Variants in NLK observed in about 807,000 individuals in gnomAD.
NLK encodes serine/threonine-protein kinase NLK.
A neutral mutation model predicts 59.0 loss-of-function variants in NLK; 11 were observed. The observed-to-expected ratio is 0.19, with a 90% CI of 0.12 to 0.31. The LOEUF is 0.31. Among genes scored for constraint, NLK ranks in the 10% least tolerant of loss-of-function variants. NLK has a pLI of 1.00. For synonymous variants in NLK, 235 were observed against 235.9 expected (o/e 1.00, Z 0.03); for missense variants, 410 against 661.1 (o/e 0.62, Z 4.16).
chr17:28,149,369 A>G (rs1907390443), intron 3 of NLK, among the ~76,000 whole-genome samples: 1 of 152,184 alleles, frequency 6.6e-6, no homozygotes, highest in East Asian at 1.9e-4. Context: ...TGGCTTAAAG[A>G]AATTTGTTAA....
intron 3 of NLK, among the ~76,000 whole-genome samples, chr17:28,147,795 G>T (rs1296442567): frequency 1.3e-5 from 2 of 152,050 alleles, no homozygotes; most frequent in Non-Finnish European, 2.9e-5. Context: ...AGCAAATTTT[G>T]TGGGAATCTA....
rs911610122 is a variant in NLK, at chr17:28,172,583, G to A, written c.1114G>A (p.Ala372Thr). ...LEAMRTACEG[A>T]KAHILRGPHK... is the part of the protein sequence containing the mutation. ...AGCAATGAGGACAGCTTGTGAAGGC[G>A]CTAAGGCACATATACTCAGGGGTCC... The change falls in exon 7 of 11, where the codon GCT (alanine) becomes ACT (threonine). Residue 372 changes from alanine to threonine, a missense_variant. Ala to Thr is a moderately conservative substitution (Grantham distance 58). Around this residue, in one of 5 missense-constraint regions of NLK, gnomAD observed 150 missense variants for 244.3 expected, o/e 0.61. Transcript: ENST00000407008. 3 of 1,592,478 alleles carry A rather than the reference G, an allele frequency of 1.9e-6. No individual in the cohort carries two copies. The highest frequency in any genetic ancestry group is 2.3e-5 in the East Asian group (1 of 43,154).
chr17:28,114,224 A>G (rs1203524781), intron 1 of NLK, among the ~76,000 whole-genome samples: 1 of 152,194 alleles, frequency 6.6e-6, no homozygotes, highest in Non-Finnish European at 1.5e-5. Flanking sequence ...CATGTGTCTT[A>G]ATGTATAGAT....
At chr17:28,150,663 A>G (rs1907442208) in intron 3 of NLK, among the ~76,000 whole-genome samples, 1 of 152,152 alleles carries the variant, frequency 6.6e-6, no homozygotes, top group Non-Finnish European at 1.5e-5. Flanking sequence ...CCCCCACTAA[A>G]ACACTTGCAT....
intron 4 of NLK, among the ~76,000 whole-genome samples, chr17:28,162,279 TGCTGGGATTACA>T (rs1265914662): frequency 1.3e-5 from 2 of 152,080 alleles, no homozygotes; most frequent in African/African-American, 4.8e-5. Flanking sequence ...CCTCCCAAAG[TGCTGGGATTACA>T]GGCGTGAGCC....
At chr17:28,163,337 G>C (rs1386765535) in intron 4 of NLK, among the ~76,000 whole-genome samples, 1 of 152,138 alleles carries the variant, frequency 6.6e-6, no homozygotes, top group Non-Finnish European at 1.5e-5. Context: ...ATTATCTCTA[G>C]ACTTTGCAAA....
chr17:28,199,615 G>A (rs764410703), downstream of NLK, among the ~76,000 whole-genome samples: 14 of 143,968 alleles, frequency 9.7e-5, no homozygotes, highest in East Asian at 2.1e-4. Flanking sequence ...GCAGTGATCC[G>A]AGGTGGTGCC....
intron 1 of NLK, among the ~76,000 whole-genome samples, chr17:28,081,366 A>AT (rs1255252633): frequency 6.6e-6 from 1 of 151,926 alleles, no homozygotes; most frequent in African/African-American, 2.4e-5. Context: ...AAAAAAAAAA[A>AT]TTTAATTTTT....
At chr17:28,102,725 G>A (rs915386401) in intron 1 of NLK, among the ~76,000 whole-genome samples, 13 of 152,106 alleles carry the variant, frequency 8.5e-5, no homozygotes, top group Admixed American at 7.9e-4. Context: ...AGTTCTGAGG[G>A]ATGTGATGAG....
chr17:28,168,690 T>A (rs1364491069), intron 6 of NLK, 33 bp downstream of exon 6: 14 of 1,491,844 alleles, frequency 9.4e-6, no homozygotes, highest in Non-Finnish European at 1.3e-5. Flanking sequence ...TAGTTGCAAT[T>A]CTATTGCAGA....
At chr17:28,107,327 C>T (rs1376807602) in intron 1 of NLK, among the ~76,000 whole-genome samples, 2 of 151,774 alleles carry the variant, frequency 1.3e-5, no homozygotes, top group East Asian at 1.9e-4. Flanking sequence ...CCCAGCTACT[C>T]GGGAGGCTGA....
chr17:28,111,879 T>TGTGTGTGTGTGTGTG, intron 1 of NLK, among the ~76,000 whole-genome samples: 1 of 126,240 alleles, frequency 7.9e-6, no homozygotes, highest in African/African-American at 3.0e-5. Flanking sequence ...TGTGTGTGTG[T>TGTGTGTGTGTGTGTG]GTGTGTGTGT....
At chr17:28,083,240 A>G (rs1910406165) in intron 1 of NLK, among the ~76,000 whole-genome samples, 1 of 152,220 alleles carries the variant, frequency 6.6e-6, no homozygotes, top group Non-Finnish European at 1.5e-5. Context: ...TATCTGTGAC[A>G]GTGCCTAACA....
intron 1 of NLK, among the ~76,000 whole-genome samples, chr17:28,091,133 A>G (rs1904477149): frequency 6.6e-6 from 1 of 152,204 alleles, no homozygotes; most frequent in Admixed American, 6.5e-5. Flanking sequence ...GATAAATTGT[A>G]AAAACAAGGC....
At chr17:28,155,174 ATAAGCAAGGGATTCCCTTGC>A (rs1286858698) in intron 3 of NLK, among the ~76,000 whole-genome samples, 2 of 152,254 alleles carry the variant, frequency 1.3e-5, no homozygotes, top group African/African-American at 4.8e-5. Context: ...ATTGAATGGG[ATAAGCAAGGGATTCCCTTGC>A]TTGTTTTGTT....
chr17:28,080,532 A>T (rs1382107279), intron 1 of NLK, among the ~76,000 whole-genome samples: 1 of 152,210 alleles, frequency 6.6e-6, no homozygotes, highest in East Asian at 1.9e-4. Context: ...ATTTACTGTA[A>T]TGCCTGGCTA....
intron 1 of NLK, among the ~76,000 whole-genome samples, chr17:28,060,187 A>G (rs2142745292): frequency 6.6e-6 from 1 of 152,324 alleles, no homozygotes; most frequent in East Asian, 1.9e-4. Flanking sequence ...GTCCAAGTGG[A>G]TTAAAGATTT....
At chr17:28,083,059 A>G (rs548801908) in intron 1 of NLK, among the ~76,000 whole-genome samples, 2 of 152,302 alleles carry the variant, frequency 1.3e-5, no homozygotes, top group Non-Finnish European at 2.9e-5. Context: ...CTTTTCCCAC[A>G]CTGTTCTTAT....
intron 1 of NLK, among the ~76,000 whole-genome samples, chr17:28,065,111 T>A (rs1909784094): frequency 6.6e-6 from 1 of 152,026 alleles, no homozygotes; most frequent in South Asian, 2.1e-4. Context: ...CAAATTGCAA[T>A]AAAGATATAT....
Sources: gnomAD v4.1 joint callset for allele counts (sites outside exome capture counted in the v4.1 genomes callset) on GRCh38, gnomAD v4.1.1 for gene constraint, gnomAD v4.1.1 regional missense constraint, MANE v1.5 for transcripts, NCBI Gene and HGNC (gene_info 2026-07-23, HGNC 2026-07-21) for gene names.